The following GYS2 variants were observed in gnomAD, a reference collection of about 807,000 sequenced individuals.
GYS2 encodes glycogen synthase 2.
GYS2 carries 80 observed loss-of-function variants against 85.6 expected under a neutral mutation model. That is an observed-to-expected ratio of 0.93 (90% CI 0.78 to 1.13). The LOEUF (loss-of-function observed/expected upper bound fraction) is 1.13, where lower values mean the gene tolerates loss of function less well. Among genes scored for constraint, GYS2 ranks in the 50% most tolerant of loss-of-function variants. GYS2 has a pLI of 0.00. For synonymous variants in GYS2, 328 were observed against 300.7 expected, an observed-to-expected ratio of 1.09 and a Z score of -0.94; for missense variants, 881 against 854.9, an observed-to-expected ratio of 1.03 and a Z score of -0.38.
intron 1 of GYS2, among the ~76,000 whole-genome samples, chr12:21,586,419 A>ATATCTATCTATCTATC (rs60692055): frequency 4.7e-5 from 7 of 147,768 alleles, no homozygotes; most frequent in Admixed American, 6.8e-5. Flanking sequence ...ATCTAAATCT[A>ATATCTATCTATCTATC]TATCTATCTA....
At chr12:21,556,033 C>A (rs1433276666) in intron 11 of GYS2, among the ~76,000 whole-genome samples, 1 of 152,166 alleles carries the variant, frequency 6.6e-6, no homozygotes, top group Non-Finnish European at 1.5e-5. Context: ...AAGAAAGTTT[C>A]TCCTACCTCA....
At chr12:21,594,914 G>A (rs1944678451) in intron 1 of GYS2, among the ~76,000 whole-genome samples, 1 of 152,126 alleles carries the variant, frequency 6.6e-6, no homozygotes, top group Non-Finnish European at 1.5e-5. Context: ...ACCAATGGAA[G>A]AGAATAGAGA....
chr12:21,547,834 G>C (rs1234078363), intron 11 of GYS2, among the ~76,000 whole-genome samples: 2 of 152,098 alleles, frequency 1.3e-5, no homozygotes, highest in African/African-American at 2.4e-5. Context: ...GCTGATAATG[G>C]GGGAGTCTAT....
chr12:21,532,944 C>T (rs190368156), downstream of GYS2: 11 of 152,232 alleles, frequency 7.2e-5, no homozygotes, highest in African/African-American at 2.4e-4. Context: ...GTCCCTCTTC[C>T]CAATTTTCTA....
chr12:21,542,791 A>G (rs1943994739), intron 12 of GYS2, among the ~76,000 whole-genome samples, 200 bp from the exon 13 acceptor site: 1 of 152,206 alleles, frequency 6.6e-6, no homozygotes, highest in South Asian at 2.1e-4. Context: ...CATTATCCCC[A>G]TCTTACAGCT....
chr12:21,580,483 T>A lies in GYS2; in HGVS notation c.162A>T (p.Thr54=). 6.2e-7 allele frequency: 1 copy of A among 1,613,648 alleles called. No individual in the cohort carries two copies. The highest frequency in any genetic ancestry group is 1.1e-5 in the South Asian group (1 of 91,078). ...AGTTCTCTCCCCATTCATCTGCTGTTGTTTTGGCCTTTGTCTGAATCACAG... is the reference window on the plus strand; with the variant it reads ...AGTTCTCTCCCCATTCATCTGCTGTAGTTTTGGCCTTTGTCTGAATCACAG... The part of the protein sequence containing the change: ...IYTVIQTKAK[T]TADEWGENYF... Residue 54 remains threonine, a synonymous_variant, in exon 2 of 16, where the codon ACA becomes ACT. Transcript: ENST00000261195.
intron 1 of GYS2, among the ~76,000 whole-genome samples, chr12:21,584,007 GAA>G (rs1944542764): frequency 6.6e-6 from 1 of 152,166 alleles, no homozygotes; most frequent in Non-Finnish European, 1.5e-5. Flanking sequence ...GCTGACAGAG[GAA>G]GAGAAGACTA....
intron 12 of GYS2, among the ~76,000 whole-genome samples, chr12:21,545,551 T>A (rs1944028759): frequency 6.6e-6 from 1 of 152,252 alleles, no homozygotes; most frequent in African/African-American, 2.4e-5. Flanking sequence ...TGCATTGGCA[T>A]GTATTTAAAG....
intron 1 of GYS2, among the ~76,000 whole-genome samples, chr12:21,584,639 C>T (rs1250507626): frequency 1.3e-5 from 2 of 152,178 alleles, no homozygotes; most frequent in Non-Finnish European, 2.9e-5. Context: ...TGGCACCATT[C>T]CTCGGGGTGA....
intron 4 of GYS2, 150 bp downstream of exon 4, chr12:21,573,994 C>G (rs1944415093): frequency 2.9e-6 from 2 of 695,378 alleles, no homozygotes; most frequent in Admixed American, 4.2e-5. Context: ...GTCTTTCAAC[C>G]CAAGGGAAGC....
chr12:21,559,701 T>G lies in GYS2; in HGVS notation c.1179A>C (p.Ala393=). The G allele has an allele frequency of 6.3e-7, 1 of 1,586,060 alleles. No homozygotes were observed. The highest frequency in any genetic ancestry group is 8.7e-7 in the Non-Finnish European group (1 of 1,154,520). ...QAVRKQLWDV[A]HSVKEKFGKK... is the part of the protein sequence containing the mutation. ...TTCCAAACTTTTCCTTCACAGAATG[T>G]GCAACATCCCTGTTTGAAACAGAAA... Residue 393 remains alanine (A), a synonymous_variant, in exon 9 of 16, where the codon GCA becomes GCC. Transcript: ENST00000261195.
chr12:21,584,094 C>T (rs1944545792), intron 1 of GYS2, among the ~76,000 whole-genome samples: 1 of 152,214 alleles, frequency 6.6e-6, no homozygotes, highest in African/African-American at 2.4e-5. Context: ...ACTACAGCCC[C>T]TTTCTAGGAC....
rs1944352071 is a variant in GYS2, at chr12:21,568,751, G to A, written c.823+114C>T. On this transcript the variant is annotated intron_variant, in intron 5 of 15. Transcript: ENST00000261195. ...AATTAAAATACATAAAAAGAGCTGC[G>A]TGGTAACTGAATGCAATTTTTCCTC... The A allele has an allele frequency of 1.3e-5, 11 of 864,206 alleles. 1 individual carries two copies. The highest frequency in any genetic ancestry group is 1.1e-4 in the South Asian group (8 of 75,310). 53.5% of individuals were successfully genotyped at this position (864,206 alleles called of 1,614,324 possible).
At position 21,536,976 on chromosome 12, in the gene GYS2, A is replaced by G. The variant is rs1943917254; in HGVS notation, c.2090T>C (p.Leu697Pro). ...LSHVPHGKKK[L>P]HGEYKN ...AATTCAGTTCTTATATTCACCATGCAGCTTTTTCTTCCCATGAGGAACGTG... is the reference window on the plus strand; with the variant it reads ...AATTCAGTTCTTATATTCACCATGCGGCTTTTTCTTCCCATGAGGAACGTG... Residue 697 changes from leucine (L) to proline (P), a missense_variant, in exon 16 of 16, where the codon CTG (leucine) becomes CCG (proline). Leu to Pro is a moderately conservative substitution (Grantham distance 98). Transcript: ENST00000261195. 6.2e-7 allele frequency: 1 copy of G among 1,613,086 alleles called. No individual in the cohort carries two copies. The highest frequency in any genetic ancestry group is 2.2e-5 in the East Asian group (1 of 44,876).
chr12:21,580,748 T>C (rs1420486966), intron 1 of GYS2, among the ~76,000 whole-genome samples: 1 of 152,196 alleles, frequency 6.6e-6, no homozygotes, highest in Non-Finnish European at 1.5e-5. Context: ...CCCTTCTAGG[T>C]GCATGTGAAA....
intron 1 of GYS2, among the ~76,000 whole-genome samples, chr12:21,584,055 G>C (rs1025990383): frequency 6.6e-6 from 1 of 152,198 alleles, no homozygotes; most frequent in African/African-American, 2.4e-5. Context: ...ACGATATGCA[G>C]GCACCACCCA....
At chr12:21,560,790 C>A (rs1944244014) in intron 7 of GYS2, among the ~76,000 whole-genome samples, 1 of 151,966 alleles carries the variant, frequency 6.6e-6, no homozygotes, top group Admixed American at 6.6e-5. Flanking sequence ...TGCCTTTGAC[C>A]ATCTAGAATA....
chr12:21,596,168 C>G (rs1254347020), intron 1 of GYS2, among the ~76,000 whole-genome samples: 2 of 151,980 alleles, frequency 1.3e-5, no homozygotes, highest in Non-Finnish European at 2.9e-5. Flanking sequence ...CAGAATTCTA[C>G]TAGACATTCA....
chr12:21,582,031 G>A (rs1174832660), intron 1 of GYS2, among the ~76,000 whole-genome samples: 10 of 152,036 alleles, frequency 6.6e-5, no homozygotes, highest in South Asian at 2.1e-4. Flanking sequence ...CTTCTGCACC[G>A]CAAAAGACCG....
Sources: allele counts gnomAD v4.1 joint callset (sites outside exome capture counted in the v4.1 genomes callset), GRCh38; gene constraint gnomAD v4.1.1; transcripts MANE v1.5; gene names NCBI Gene and HGNC (gene_info 2026-07-23, HGNC 2026-07-21).